Variants in SORCS1 observed in about 807,000 individuals in gnomAD.
The protein encoded by SORCS1 is VPS10 domain-containing receptor SorCS1.
In SORCS1, 60 loss-of-function variants were observed where a neutral mutation model predicts 146.1. The observed-to-expected ratio is 0.41, with a 90% CI of 0.33 to 0.51. The LOEUF is 0.51. Ranked by LOEUF, SORCS1 falls within the 20% of genes least tolerant of loss-of-function variation. The pLI is 0.21. For missense variants in SORCS1, 1,352 were observed against 1,487.6 expected, an observed-to-expected ratio of 0.91 and a Z score of 1.50; for synonymous variants, 637 against 584.0, an observed-to-expected ratio of 1.09 and a Z score of -1.31.
chr10:106,609,457 G>C (rs1846824631), intron 22 of SORCS1, among the ~76,000 whole-genome samples: 1 of 152,204 alleles, frequency 6.6e-6, no homozygotes, highest in African/African-American at 2.4e-5. Flanking sequence ...ACTCTCAGTT[G>C]TACCTCTCAT....
At chr10:106,723,905 CA>C (rs909141759) in intron 6 of SORCS1, among the ~76,000 whole-genome samples, 4 of 150,700 alleles carry the variant, frequency 2.7e-5, no homozygotes, top group East Asian at 2.0e-4. Context: ...CAGAATAGAC[CA>C]AAAAAAACTA....
At chr10:107,074,296 T>A (rs1289665488) in intron 1 of SORCS1, among the ~76,000 whole-genome samples, 1 of 152,192 alleles carries the variant, frequency 6.6e-6, no homozygotes, top group African/African-American at 2.4e-5. Flanking sequence ...TCACGCATTA[T>A]GCAGCCTTTT....
intron 1 of SORCS1, among the ~76,000 whole-genome samples, chr10:107,040,293 G>T (rs535474642): frequency 1.3e-5 from 2 of 152,194 alleles, no homozygotes; most frequent in Admixed American, 6.6e-5. Context: ...TTCTCTGGGG[G>T]CTTATGCTCA....
chr10:107,116,619 T>A (rs1176684630), intron 1 of SORCS1, among the ~76,000 whole-genome samples: 1 of 152,074 alleles, frequency 6.6e-6, no homozygotes, highest in Non-Finnish European at 1.5e-5. Context: ...ATCACACTCA[T>A]AGAAACAGGA....
At chr10:106,947,036 C>A (rs1409684944) in intron 2 of SORCS1, among the ~76,000 whole-genome samples, 1 of 152,156 alleles carries the variant, frequency 6.6e-6, no homozygotes, top group Non-Finnish European at 1.5e-5. Context: ...CAGTCCAATA[C>A]ACATATGAAA....
intron 3 of SORCS1, among the ~76,000 whole-genome samples, chr10:106,824,463 G>A (rs764132517): frequency 2.6e-5 from 4 of 151,510 alleles, no homozygotes; most frequent in African/African-American, 4.9e-5. Flanking sequence ...GGTAGTAGAC[G>A]CCTGTAATCC....
intron 1 of SORCS1, among the ~76,000 whole-genome samples, chr10:107,157,289 T>G (rs1012256809): frequency 6.6e-6 from 1 of 152,148 alleles, no homozygotes; most frequent in Admixed American, 6.5e-5. Flanking sequence ...GCAGCTGTGT[T>G]CTAACTCTTG....
At position 107,164,237 on chromosome 10, in the gene SORCS1, GC is replaced by G; in HGVS notation, c.289del (p.Ala97HisfsTer36). On this transcript the variant is annotated frameshift_variant, in exon 1 of 26. Coordinates refer to ENST00000263054, the MANE Select transcript of SORCS1 (RefSeq NM_052918.5). LOFTEE classifies it high-confidence loss of function. The surrounding 1 kb of genome is among the most constrained non-coding windows in gnomAD (Gnocchi z 6.8). ...GGAGCGTGCAGCAACCGCCATGGAT[GC>G]CCCAGTGCCCCGAGCCCGCTCCAGG... is the stretch of plus-strand genomic sequence containing the variant. ...LSLERARGTG[A>X]SMAVAARSGR... is the part of the protein sequence containing the mutation. 1 of 1,606,996 alleles carries G rather than the reference GC, an allele frequency of 6.2e-7. No individual in the cohort carries two copies.
At chr10:107,133,410 TC>T (rs1194767418) in intron 1 of SORCS1, among the ~76,000 whole-genome samples, 3 of 152,074 alleles carry the variant, frequency 2.0e-5, no homozygotes, top group Non-Finnish European at 4.4e-5. Flanking sequence ...TAAGGGAACT[TC>T]AGAGAAAGTC....
chr10:106,889,870 GT>G (rs2137863878), intron 2 of SORCS1, among the ~76,000 whole-genome samples: 1 of 132,838 alleles, frequency 7.5e-6, no homozygotes, highest in South Asian at 2.6e-4. Flanking sequence ...GGGTGACAGA[GT>G]GAGACTACGT....
At chr10:106,712,511 T>C (rs371795611) in intron 6 of SORCS1, among the ~76,000 whole-genome samples, 1 of 152,228 alleles carries the variant, frequency 6.6e-6, no homozygotes, top group Non-Finnish European at 1.5e-5. Flanking sequence ...AAAGAAAGCA[T>C]AAACATCATG....
At chr10:107,024,885 A>T (rs1378472411) in intron 1 of SORCS1, among the ~76,000 whole-genome samples, 1 of 152,232 alleles carries the variant, frequency 6.6e-6, no homozygotes, top group African/African-American at 2.4e-5. Context: ...TATGACTATT[A>T]TTAAATATTA....
intron 5 of SORCS1, among the ~76,000 whole-genome samples, chr10:106,737,099 G>A (rs1176813559): frequency 6.7e-6 from 1 of 150,214 alleles, no homozygotes; most frequent in Non-Finnish European, 1.5e-5. Context: ...GCAAAGTGAG[G>A]CACGCAAGTC....
chr10:106,628,557 C>T (rs1380924389), intron 19 of SORCS1, among the ~76,000 whole-genome samples: 2 of 152,202 alleles, frequency 1.3e-5, no homozygotes, highest in Non-Finnish European at 2.9e-5. Context: ...ATTGTCTCAT[C>T]ATACTTACTC....
At chr10:106,996,241 A>T (rs1201821723) in intron 1 of SORCS1, among the ~76,000 whole-genome samples, 1 of 57,384 alleles carries the variant, frequency 1.7e-5, no homozygotes, top group African/African-American at 6.1e-5. Context: ...AAAAAAAAAA[A>T]AAAAAAAATA....
chr10:106,985,268 A>G (rs1956416594), intron 1 of SORCS1, among the ~76,000 whole-genome samples: 1 of 152,224 alleles, frequency 6.6e-6, no homozygotes, highest in South Asian at 2.1e-4. Flanking sequence ...ATTGCCATGC[A>G]TATCCTCCAA....
At chr10:107,171,619 C>G in the SORCS1 span, among the ~76,000 whole-genome samples, 3 of 146,146 alleles carry the variant, frequency 2.1e-5, no homozygotes, top group East Asian at 6.3e-4. Flanking sequence ...CAGGTTCAAG[C>G]AGTTCTCCTA....
intron 1 of SORCS1, among the ~76,000 whole-genome samples, chr10:107,109,738 C>T (rs1252010693): frequency 6.6e-6 from 1 of 152,196 alleles, no homozygotes; most frequent in Non-Finnish European, 1.5e-5. Flanking sequence ...CCTGAGAAAG[C>T]TTATCCTTTC....
Position 106,749,024 on chromosome 10 carries a change from G to A in SORCS1, c.959+12564C>T, listed in dbSNP as rs192780302. Among the ~76,000 whole-genome samples, 14 of 152,280 alleles carry A rather than the reference G, an allele frequency of 9.2e-5. No homozygotes were observed. In the East Asian group the frequency reaches 2.5e-3, roughly 27 times the overall value. On this transcript the variant is annotated intron_variant, in intron 5 of 25. Coordinates refer to ENST00000263054, the MANE Select transcript of SORCS1 (RefSeq NM_052918.5). ...AGAAATGCCATCATGCTAGGTAGAA[G>A]CATAATTTTGCTTTTGCTTTTATTT... is the stretch of plus-strand genomic sequence containing the variant.
Sources: allele counts gnomAD v4.1 joint callset (sites outside exome capture counted in the v4.1 genomes callset), GRCh38; gene constraint gnomAD v4.1.1; non-coding constraint Gnocchi (gnomAD v3.1); transcripts MANE v1.5; gene names NCBI Gene and HGNC (gene_info 2026-07-23, HGNC 2026-07-21).